SEC23B: variants seen among roughly 807,000 people sequenced by gnomAD.
SEC23B encodes SEC23 homolog B, COPII component, also known as protein transport protein Sec23B.
A neutral mutation model predicts 104.3 loss-of-function variants in SEC23B; 77 were observed. That is an observed-to-expected ratio of 0.74 (90% CI 0.61 to 0.89). The LOEUF (loss-of-function observed/expected upper bound fraction) is 0.89, where lower values mean the gene tolerates loss of function less well. SEC23B is among the 40% of genes least tolerant of loss of function. The pLI, the probability that SEC23B is intolerant of heterozygous loss-of-function variation, is 0.00. For synonymous variants in SEC23B, 338 were observed against 332.5 expected, an observed-to-expected ratio of 1.02 and a Z score of -0.18; for missense variants, 885 against 949.4, an observed-to-expected ratio of 0.93 and a Z score of 0.89.
intron 4 of SEC23B, among the ~76,000 whole-genome samples, chr20:18,519,268 G>A (rs912400419): frequency 3.9e-5 from 6 of 152,272 alleles, no homozygotes; most frequent in Middle Eastern, 3.4e-3. Flanking sequence ...GTGGGAGGCC[G>A]GATTGAAGTG....
chr20:18,518,317 A>G (rs2060049157), intron 4 of SEC23B, among the ~76,000 whole-genome samples: 1 of 152,200 alleles, frequency 6.6e-6, no homozygotes. Context: ...TTCCTGACTC[A>G]GGGCATGTGA....
chr20:18,548,039 C>G (rs554255092), intron 15 of SEC23B, among the ~76,000 whole-genome samples: 1 of 152,106 alleles, frequency 6.6e-6, no homozygotes, highest in Non-Finnish European at 1.5e-5. Context: ...GCAACCTCCC[C>G]CTACTGGGTT....
intron 15 of SEC23B, 36 bp from the exon 16 acceptor site, chr20:18,548,573 T>TA: frequency 6.2e-7 from 1 of 1,604,176 alleles, no homozygotes; most frequent in African/African-American, 1.3e-5. Context: ...AGGTTACAAT[T>TA]ATATGCATTT....
intron 12 of SEC23B, among the ~76,000 whole-genome samples, chr20:18,541,947 G>T (rs114256319): frequency 8.5e-5 from 13 of 152,120 alleles, no homozygotes; most frequent in Admixed American, 4.6e-4. Context: ...TTAACAATCC[G>T]TCACAAACTG....
At chr20:18,558,794 A>C (rs6075364) in intron 19 of SEC23B, among the ~76,000 whole-genome samples, 101,830 of 151,910 alleles carry the variant, frequency 0.67, 35,837 homozygotes, top group Non-Finnish European at 0.8. Flanking sequence ...GAGGCTTCCT[A>C]TTTTTTCATT....
intron 10 of SEC23B, among the ~76,000 whole-genome samples, chr20:18,532,218 T>C (rs1406418035): frequency 6.6e-6 from 1 of 152,258 alleles, no homozygotes; most frequent in Admixed American, 6.5e-5. Flanking sequence ...ATTTTAAAAA[T>C]CTAAGTATGT....
rs7262532 is a variant in SEC23B at position 18,554,303 on chromosome 20, G to T, written c.2061G>T (p.Leu687=). ...AGTATGAAAACTTCAAGCACCTTCT[G>T]CAGGCACCACTGGATGATGCTCAAG... is the stretch of plus-strand genomic sequence containing the variant. ...MPEYENFKHL[L]QAPLDDAQEI... The change falls in exon 18 of 20, where the codon CTG becomes CTT. Residue 687 remains leucine, a synonymous_variant. Transcript: ENST00000650089. 9,422 of 1,614,108 alleles carry T rather than the reference G, an allele frequency of 5.8e-3. 390 individuals are homozygous for T. In the African/African-American group the frequency reaches 0.1, roughly 18 times the overall value.
At chr20:18,524,733 T>C in intron 5 of SEC23B, 64 bp downstream of exon 5, 2 of 1,398,722 alleles carry the variant, frequency 1.4e-6, no homozygotes, top group Non-Finnish European at 2.0e-6. Context: ...CTGGGGTCTC[T>C]TTAAAAGAGC....
intron 4 of SEC23B, among the ~76,000 whole-genome samples, chr20:18,519,281 G>A (rs1339432633): frequency 1.3e-5 from 2 of 152,184 alleles, no homozygotes; most frequent in Non-Finnish European, 2.9e-5. Flanking sequence ...TTGAAGTGCG[G>A]GCCAGGAACA....
chr20:18,556,386 CA>C (rs2060438876), intron 19 of SEC23B, among the ~76,000 whole-genome samples: 1 of 152,182 alleles, frequency 6.6e-6, no homozygotes, highest in South Asian at 2.1e-4. Context: ...ACCATTCCCC[CA>C]CAGATACTGA....
chr20:18,537,608 A>C (rs62216398), intron 12 of SEC23B, among the ~76,000 whole-genome samples: 1 of 152,050 alleles, frequency 6.6e-6, no homozygotes, highest in Non-Finnish European at 1.5e-5. Flanking sequence ...AGGGGGGAGG[A>C]ATAACATTAG....
chr20:18,524,515 C>T lies in SEC23B; in HGVS notation c.449C>T (p.Ser150Phe), dbSNP rs1215607394. The change falls in exon 5 of 20, where the codon TCC becomes TTC. Residue 150 changes from serine to phenylalanine, a missense_variant. Coordinates refer to ENST00000650089, the MANE Select transcript of SEC23B (RefSeq NM_006363.6). ...EEDDLQALKE[S>F]LQMSLSLLPP... is the part of the protein sequence containing the mutation. ...GATGACCTTCAAGCACTCAAAGAGT[C>T]CCTGCAGATGTCCCTGAGTCTTCTT... is the stretch of plus-strand genomic sequence containing the variant. 1 of 1,614,138 alleles carries T rather than the reference C, an allele frequency of 6.2e-7. No homozygotes were observed. The highest frequency in any genetic ancestry group is 8.5e-7 in the Non-Finnish European group (1 of 1,179,984).
chr20:18,520,877 GAA>G (rs201403328), intron 4 of SEC23B, among the ~76,000 whole-genome samples: 3,060 of 152,124 alleles, frequency 0.02, 51 homozygotes, highest in African/African-American at 0.025. Context: ...ACTAAGCTGA[GAA>G]GATCTGGGAA....
intron 4 of SEC23B, among the ~76,000 whole-genome samples, chr20:18,523,397 C>T (rs1436957637): frequency 3.1e-4 from 41 of 130,556 alleles, no homozygotes; most frequent in South Asian, 4.9e-4. Context: ...TCTTTCCTTT[C>T]TTTTTTTTTT....
chr20:18,555,270 C>A, intron 19 of SEC23B, 97 bp downstream of exon 19: 1 of 996,756 alleles, frequency 1.0e-6, no homozygotes, highest in Admixed American at 1.9e-5. Context: ...GGCCTGGAGA[C>A]AGAATAACTG....
chr20:18,542,201 T>G (rs990650608), intron 12 of SEC23B, 95 bp from the exon 13 acceptor site: 9 of 1,044,312 alleles, frequency 8.6e-6, no homozygotes, highest in African/African-American at 4.7e-5. Context: ...TTCCTGTCAT[T>G]GCTGTGTCAG....
At chr20:18,527,132 C>T (rs186566974) in intron 8 of SEC23B, among the ~76,000 whole-genome samples, 3 of 152,168 alleles carry the variant, frequency 2.0e-5, no homozygotes, top group Middle Eastern at 3.4e-3. Flanking sequence ...CACGAGAATC[C>T]GTTGAACCTG....
In SEC23B at chr20:18,526,552, G is replaced by C. The variant is rs778422229; in HGVS notation, c.993+21G>C. Reference sequence around the variant, plus strand: ...CCAAGGTAGGTGCTCTTGGGTATGGGCTGTAATTCTGAAAGCCCATTGTCA... The same window carrying C: ...CCAAGGTAGGTGCTCTTGGGTATGGCCTGTAATTCTGAAAGCCCATTGTCA... On this transcript the variant is annotated intron_variant, in intron 8 of 19. Transcript: ENST00000650089. 4.3e-6 allele frequency: 7 copies of C among 1,613,794 alleles called. No homozygotes were observed. In the South Asian group the frequency reaches 7.7e-5, roughly 18 times the overall value.
At chr20:18,516,614 C>T (rs1354386073) in intron 4 of SEC23B, among the ~76,000 whole-genome samples, 1 of 150,206 alleles carries the variant, frequency 6.7e-6, no homozygotes, top group Admixed American at 6.6e-5. Context: ...TGCAGTGGCA[C>T]GATCTCGGCT....
Sources: allele counts gnomAD v4.1 joint callset (sites outside exome capture counted in the v4.1 genomes callset), GRCh38; gene constraint gnomAD v4.1.1; transcripts MANE v1.5; gene names NCBI Gene and HGNC (gene_info 2026-07-23, HGNC 2026-07-21).